ARHGEF3: variants seen among roughly 807,000 people sequenced by gnomAD.
ARHGEF3 encodes the protein 59.8 kDA protein.
In ARHGEF3, 28 loss-of-function variants were observed where a neutral mutation model predicts 63.2. The ratio of observed to expected loss-of-function variants is 0.44; its 90% CI spans 0.33 to 0.61. The LOEUF (loss-of-function observed/expected upper bound fraction) is 0.61. Among genes scored for constraint, ARHGEF3 ranks in the 20% least tolerant of loss-of-function variants. ARHGEF3 has a pLI of 0.03. For missense variants in ARHGEF3, 533 were observed against 659.3 expected, an observed-to-expected ratio of 0.81 and a Z score of 2.10; for synonymous variants, 266 against 254.2, an observed-to-expected ratio of 1.05 and a Z score of -0.44.
intron 1 of ARHGEF3, among the ~76,000 whole-genome samples, chr3:56,790,309 C>G (rs1293517701): frequency 6.6e-6 from 1 of 152,202 alleles, no homozygotes; most frequent in Non-Finnish European, 1.5e-5. Context: ...TCCTTCAAAG[C>G]TCTCAGATAA....
At chr3:57,027,507 A>G (rs1367382861) in intron 2 of ARHGEF3, among the ~76,000 whole-genome samples, 1 of 152,138 alleles carries the variant, frequency 6.6e-6, no homozygotes, top group East Asian at 1.9e-4. Context: ...ACCCAGACAG[A>G]CAAGAACAGG....
chr3:57,067,881 T>C (rs1705650338), intron 1 of ARHGEF3, among the ~76,000 whole-genome samples: 1 of 150,468 alleles, frequency 6.6e-6, no homozygotes, highest in Non-Finnish European at 1.5e-5. Context: ...TCCCAGCTAC[T>C]CAGAAGGCTG....
chr3:57,062,041 T>TA (rs1417975988), intron 1 of ARHGEF3, among the ~76,000 whole-genome samples: 6 of 151,782 alleles, frequency 4.0e-5, no homozygotes, highest in African/African-American at 9.7e-5. Flanking sequence ...AAGGATCAAG[T>TA]AAAAAAAGAG....
chr3:56,949,598 G>C (rs1258386270), intron 3 of ARHGEF3, among the ~76,000 whole-genome samples: 3 of 152,090 alleles, frequency 2.0e-5, no homozygotes, highest in African/African-American at 7.3e-5. Context: ...TCTTCAAGGA[G>C]AACCACAAAC....
chr3:56,916,597 C>T (rs532456317), intron 3 of ARHGEF3: 90 of 887,968 alleles, frequency 1.0e-4, no homozygotes, highest in Admixed American at 2.9e-4. Context: ...CAAAGGTACA[C>T]CAGAAGTTCA....
chr3:56,833,766 T>C (rs976431678), intron 4 of ARHGEF3, among the ~76,000 whole-genome samples: 1 of 152,232 alleles, frequency 6.6e-6, no homozygotes, highest in African/African-American at 2.4e-5. Context: ...ACATGTTCAC[T>C]TTCTTTTTTA....
chr3:56,992,022 CTCTGTGTGTGTGTGTG>C (rs1394301032), intron 2 of ARHGEF3, among the ~76,000 whole-genome samples: 5 of 71,102 alleles, frequency 7.0e-5, no homozygotes, highest in African/African-American at 3.4e-4. Context: ...CCCCTCCTCT[CTCTGTGTGTGTGTGTG>C]TGTGTGTGTG....
chr3:57,072,726 CAAAA>C (rs11332171), intron 1 of ARHGEF3, among the ~76,000 whole-genome samples: 5 of 112,162 alleles, frequency 4.5e-5, no homozygotes, highest in African/African-American at 3.6e-5. Flanking sequence ...GAGACTCTGT[CAAAA>C]AAAAAAAAAA....
intron 1 of ARHGEF3, among the ~76,000 whole-genome samples, chr3:56,783,082 G>A (rs755583561): frequency 3.3e-5 from 5 of 152,122 alleles, no homozygotes; most frequent in Non-Finnish European, 7.3e-5. Flanking sequence ...GGTATAAGGA[G>A]GACAGTTGGC....
upstream of ARHGEF3, among the ~76,000 whole-genome samples, chr3:56,805,511 A>G (rs1169451364): frequency 2.0e-5 from 3 of 152,230 alleles, no homozygotes; most frequent in Non-Finnish European, 4.4e-5. Context: ...CTAGGATTAC[A>G]AGCATAAGCC....
At chr3:56,947,977 C>T (rs901945155) in intron 3 of ARHGEF3, among the ~76,000 whole-genome samples, 12 of 152,198 alleles carry the variant, frequency 7.9e-5, no homozygotes, top group African/African-American at 2.9e-4. Flanking sequence ...CAGAAACTCA[C>T]TCAAAACCGC....
At chr3:56,769,644 C>T (rs1446198552) in intron 2 of ARHGEF3, among the ~76,000 whole-genome samples, 11 of 152,200 alleles carry the variant, frequency 7.2e-5, no homozygotes, top group Non-Finnish European at 1.6e-4. Flanking sequence ...AAGTGGCTGC[C>T]AGCCCAGAGC....
chr3:57,036,311 C>A (rs541948448), intron 1 of ARHGEF3, among the ~76,000 whole-genome samples: 20 of 152,248 alleles, frequency 1.3e-4, no homozygotes, highest in African/African-American at 4.8e-4. Context: ...ACCACCTGGA[C>A]TGGTAAAATA....
chr3:56,949,771 A>G (rs1699709060), intron 3 of ARHGEF3, among the ~76,000 whole-genome samples: 1 of 152,176 alleles, frequency 6.6e-6, no homozygotes, highest in East Asian at 1.9e-4. Flanking sequence ...ACAGAATTGG[A>G]AAAAACTACT....
intron 8 of ARHGEF3, 32 bp downstream of exon 8, chr3:56,737,153 G>C: frequency 6.3e-7 from 1 of 1,586,554 alleles, no homozygotes; most frequent in Non-Finnish European, 8.6e-7. Context: ...ACGGGAGGCG[G>C]ATAAGACTGC....
intron 2 of ARHGEF3, among the ~76,000 whole-genome samples, chr3:56,763,004 T>C (rs142725149): frequency 6.6e-6 from 1 of 152,204 alleles, no homozygotes; most frequent in Non-Finnish European, 1.5e-5. Flanking sequence ...GGTAAGTGAG[T>C]GGCACAAGTT....
intron 6 of ARHGEF3, 35 bp from the exon 7 acceptor site, chr3:56,745,497 C>A: frequency 6.2e-7 from 1 of 1,605,628 alleles, no homozygotes; most frequent in South Asian, 1.1e-5. Flanking sequence ...GTTGGAATGT[C>A]AAAATAATTG....
chr3:57,019,082 G>A (rs544886544), intron 2 of ARHGEF3, among the ~76,000 whole-genome samples: 1 of 152,332 alleles, frequency 6.6e-6, no homozygotes, highest in East Asian at 1.9e-4. Flanking sequence ...GACCACAGTG[G>A]GTAGCTGGCC....
intron 3 of ARHGEF3, among the ~76,000 whole-genome samples, chr3:56,946,957 A>C (rs1355643639): frequency 6.6e-6 from 1 of 152,220 alleles, no homozygotes; most frequent in Non-Finnish European, 1.5e-5. Context: ...GCCAGAAGAG[A>C]GTGGGGGCCA....
Sources: allele counts gnomAD v4.1 joint callset (sites outside exome capture counted in the v4.1 genomes callset), GRCh38; gene constraint gnomAD v4.1.1; transcripts MANE v1.5; gene names NCBI Gene and HGNC (gene_info 2026-07-23, HGNC 2026-07-21).